SPAG16: variants seen among roughly 807,000 people sequenced by gnomAD.
SPAG16 encodes the protein sperm associated antigen 16, also known as sperm-associated antigen 16 protein.
In SPAG16, 86 loss-of-function variants were observed where a neutral mutation model predicts 80.4. The ratio of observed to expected loss-of-function variants is 1.07; its 90% CI spans 0.90 to 1.28. SPAG16 has a LOEUF of 1.28. SPAG16 is among the 50% of genes most tolerant of loss of function. The pLI is 0.00. For synonymous variants in SPAG16, 294 were observed against 265.9 expected (o/e 1.11, Z -1.03); for missense variants, 870 against 765.3 (o/e 1.14, Z -1.61).
rs58070679 is a variant in SPAG16, at chr2:213,728,876, C to CAAAAAAAAAAAAAAAAAAAAAAAAAAAA, written c.1071-133591_1071-133564dup. On this transcript the variant is annotated intron_variant, in intron 10 of 15. Coordinates refer to ENST00000331683, the MANE Select transcript of SPAG16 (RefSeq NM_024532.5). ...TGGGCGACAGAGTGAGACTCCGTCT[C>CAAAAAAAAAAAAAAAAAAAAAAAAAAAA]AAAAAAAAAAAAAAAAAAAAAAAAA... Among the ~76,000 whole-genome samples, 8 of 58,462 alleles carry CAAAAAAAAAAAAAAAAAAAAAAAAAAAA rather than the reference C, an allele frequency of 1.4e-4. 1 individual carries two copies. The highest frequency in any genetic ancestry group is 7.8e-4 in the Admixed American group (3 of 3,840). 38.4% of individuals were successfully genotyped at this position (58,462 alleles called of 152,430 possible).
chr2:213,808,066 C>A lies in SPAG16; in HGVS notation c.1071-54419C>A, dbSNP rs1038163985. On this transcript the variant is annotated intron_variant, in intron 10 of 15. Coordinates refer to ENST00000331683, the MANE Select transcript of SPAG16 (RefSeq NM_024532.5). ...ATGAGACACTGGACAATGAGATCTA[C>A]CCATGTAAAGTTATGGATTAAATTA... Among the ~76,000 whole-genome samples, 10 of 152,248 alleles carry A rather than the reference C, an allele frequency of 6.6e-5. 1 individual carries two copies. In the South Asian group the frequency reaches 1.9e-3, roughly 28 times the overall value.
chr2:213,740,781 A>T (rs927570945), intron 10 of SPAG16, among the ~76,000 whole-genome samples: 1 of 152,088 alleles, frequency 6.6e-6, no homozygotes, highest in African/African-American at 2.4e-5. Context: ...TGGGGTAAAG[A>T]TGGGGCGTGA....
chr2:214,318,493 T>C (rs1695854009), intron 15 of SPAG16, among the ~76,000 whole-genome samples: 1 of 147,246 alleles, frequency 6.8e-6, no homozygotes, highest in African/African-American at 2.5e-5. Context: ...GCAATTCTCC[T>C]GCCTCAGCCT....
chr2:213,860,495 A>G (rs566896204), intron 10 of SPAG16, among the ~76,000 whole-genome samples: 10 of 149,224 alleles, frequency 6.7e-5, no homozygotes, highest in African/African-American at 2.0e-4. Context: ...ATACACACAT[A>G]TGTGTGTGTA....
At chr2:213,440,124 T>A (rs1223484159) in intron 9 of SPAG16, among the ~76,000 whole-genome samples, 1 of 152,066 alleles carries the variant, frequency 6.6e-6, no homozygotes, top group Non-Finnish European at 1.5e-5. Flanking sequence ...TGTGTGTGTG[T>A]TGTTAGCAAG....
At position 214,039,325 on chromosome 2, in the gene SPAG16, G is replaced by C. The variant is rs534660031; in HGVS notation, c.1527+25248G>C. Among the ~76,000 whole-genome samples the C allele has an allele frequency of 2.6e-5, 4 of 152,206 alleles. No individual in the cohort carries two copies. The South Asian group carries it at 8.3e-4, about 32-fold the overall frequency. ...TGAGCATTTTTTCATGTGTCTTTTG[G>C]CTGCATAAATGTCTTCTTTTGAGAA... is the stretch of plus-strand genomic sequence containing the variant. On this transcript the variant is annotated intron_variant, in intron 13 of 15. Transcript: ENST00000331683.
intron 15 of SPAG16, among the ~76,000 whole-genome samples, chr2:214,305,976 A>T (rs1189087074): frequency 2.0e-5 from 3 of 152,102 alleles, no homozygotes; most frequent in Admixed American, 6.6e-5. Flanking sequence ...CAGTATGACC[A>T]TTTTAATGAT....
At chr2:213,876,147 T>C (rs1317030772) in intron 11 of SPAG16, among the ~76,000 whole-genome samples, 2 of 151,994 alleles carry the variant, frequency 1.3e-5, no homozygotes, top group African/African-American at 2.4e-5. Context: ...TATAAGCAAA[T>C]GCAGACTTAA....
At chr2:213,779,523 A>G (rs970563862) in intron 10 of SPAG16, among the ~76,000 whole-genome samples, 3 of 152,204 alleles carry the variant, frequency 2.0e-5, no homozygotes, top group African/African-American at 7.2e-5. Flanking sequence ...GCTGCCATTC[A>G]CAGCTAAAGC....
intron 15 of SPAG16, among the ~76,000 whole-genome samples, chr2:214,300,986 G>A (rs1395096679): frequency 6.7e-6 from 1 of 149,926 alleles, no homozygotes; most frequent in Non-Finnish European, 1.5e-5. Context: ...TGTCACTGAT[G>A]AACACAGATG....
At chr2:213,721,700 A>G (rs2066542194) in intron 10 of SPAG16, among the ~76,000 whole-genome samples, 1 of 152,248 alleles carries the variant, frequency 6.6e-6, no homozygotes, top group Non-Finnish European at 1.5e-5. Context: ...ATGGAAAAGT[A>G]CATGTCAAAT....
At chr2:214,385,444 AACT>A (rs1700695866) in intron 15 of SPAG16, among the ~76,000 whole-genome samples, 1 of 152,254 alleles carries the variant, frequency 6.6e-6, no homozygotes, top group Admixed American at 6.5e-5. Flanking sequence ...AGGGCTAAAT[AACT>A]ACCACCAAGG....
chr2:214,120,592 G>A (rs1576273108), intron 14 of SPAG16, among the ~76,000 whole-genome samples: 1 of 151,660 alleles, frequency 6.6e-6, no homozygotes, highest in East Asian at 1.9e-4. Context: ...AACTCTTCTT[G>A]AGCTCTGTAT....
chr2:213,300,283 C>G (rs2062685038), intron 3 of SPAG16, among the ~76,000 whole-genome samples: 1 of 152,038 alleles, frequency 6.6e-6, no homozygotes, highest in South Asian at 2.1e-4. Flanking sequence ...CCTTTTCTTC[C>G]TCTTCCTCCT....
intron 15 of SPAG16, among the ~76,000 whole-genome samples, chr2:214,157,830 T>C (rs575705255): frequency 5.9e-5 from 9 of 152,126 alleles, no homozygotes; most frequent in Non-Finnish European, 1.2e-4. Flanking sequence ...GCTTGAAAGA[T>C]TGTATACTTA....
chr2:213,373,521 CT>C (rs2066746277), intron 8 of SPAG16, among the ~76,000 whole-genome samples: 3 of 152,102 alleles, frequency 2.0e-5, no homozygotes, highest in Admixed American at 2.0e-4. Flanking sequence ...AAACCATGCC[CT>C]TTTGGATTTT....
chr2:214,214,728 T>G (rs2058384486), intron 15 of SPAG16, among the ~76,000 whole-genome samples: 2 of 151,716 alleles, frequency 1.3e-5, no homozygotes, highest in Non-Finnish European at 2.9e-5. Context: ...ATTATTAATA[T>G]AAAATTAGGT....
At chr2:213,834,909 G>A (rs142133850) in intron 10 of SPAG16, among the ~76,000 whole-genome samples, 6 of 152,268 alleles carry the variant, frequency 3.9e-5, no homozygotes, top group African/African-American at 9.6e-5. Flanking sequence ...TTCTATTCTT[G>A]TGGGGTTGGG....
intron 15 of SPAG16, among the ~76,000 whole-genome samples, chr2:214,343,452 AGGAACTG>A (rs1697844100): frequency 6.6e-6 from 1 of 152,176 alleles, no homozygotes; most frequent in East Asian, 1.9e-4. Context: ...ATTTGGTCAT[AGGAACTG>A]ATAGAAAAAA....
Sources: gnomAD v4.1 joint callset for allele counts (sites outside exome capture counted in the v4.1 genomes callset) on GRCh38, gnomAD v4.1.1 for gene constraint, MANE v1.5 for transcripts, NCBI Gene and HGNC (gene_info 2026-07-23, HGNC 2026-07-21) for gene names.